Variants in TPD52L3 observed in about 807,000 individuals in gnomAD.
TPD52L3 encodes tumor protein D55.
TPD52L3 carries 12 observed loss-of-function variants against 8.7 expected under a neutral mutation model. The ratio of observed to expected loss-of-function variants is 1.38; its 90% confidence interval spans 0.89 to 2.24. The LOEUF is 2.24. Among genes scored for constraint, TPD52L3 ranks in the 30% most tolerant of loss-of-function variants. The pLI, the probability that TPD52L3 is intolerant of heterozygous loss-of-function variation, is 0.00. For missense variants in TPD52L3, 207 were observed against 158.7 expected (o/e 1.30, Z -1.64); for synonymous variants, 79 against 66.8 (o/e 1.18, Z -0.89).
In TPD52L3 at chr9:6,331,562, G is replaced by T. The variant is rs559124909; in HGVS notation, c.*543G>T. ...TAAGCAGGGGGCAAAATCATAAGTA[G>T]TCTTACATACTACATTAGATATCAA... On this transcript the variant is annotated 3_prime_UTR_variant, in exon 2 of 2. Coordinates refer to ENST00000314556, the MANE Select transcript of TPD52L3 (RefSeq NM_001001874.3). 6.6e-6 allele frequency: 1 copy of T among 152,282 alleles called. No homozygotes were observed. The highest frequency in any genetic ancestry group is 2.1e-4 in the South Asian group (1 of 4,820). The allele number at this position is 152,282 out of a possible 1,614,324, so 9.4% of individuals were successfully genotyped here.
At chr9:6,330,088 G>A (rs747290346) in intron 1 of TPD52L3, 8 of 1,560,310 alleles carry the variant, frequency 5.1e-6, no homozygotes, top group Non-Finnish European at 6.9e-6. Flanking sequence ...ATTTTAAAAA[G>A]AACGTCTGTC....
chr9:6,328,803 G>T lies in TPD52L3; in HGVS notation c.208G>T (p.Val70Leu). 1 of 1,614,186 alleles carries T rather than the reference G, an allele frequency of 6.2e-7. No homozygotes were observed. Among genetic ancestry groups the T allele is most frequent in the Non-Finnish European group, 8.5e-7 (1 of 1,180,028 alleles). ...GAGGAAGTTAGGCCTCACCGCCTTGGTAGGGCTGAGACAGAATCTGTCCAA... is the reference window on the plus strand; with the variant it reads ...GAGGAAGTTAGGCCTCACCGCCTTGTTAGGGCTGAGACAGAATCTGTCCAA... Reference protein sequence around the residue: ...LKRKLGLTALVGLRQNLSKSW... With the variant: ...LKRKLGLTALLGLRQNLSKSW... The change falls in exon 1 of 2, where the codon GTA (valine) becomes TTA (leucine). Residue 70 changes from valine (V) to leucine (L), a missense_variant. Val to Leu is a conservative substitution (Grantham distance 32). Transcript: ENST00000314556.
At chr9:6,329,100 T>C in intron 1 of TPD52L3, 138 bp downstream of exon 1, 1 of 1,543,360 alleles carries the variant, frequency 6.5e-7, no homozygotes. Flanking sequence ...TTCCGGGGAG[T>C]GGGAATGAGC....
At chr9:6,330,219 T>A (rs142406344) in intron 1 of TPD52L3, 168 of 1,613,902 alleles carry the variant, frequency 1.0e-4, no homozygotes, top group Non-Finnish European at 1.2e-4. Flanking sequence ...TATAACCCTC[T>A]GGAGAGCTCA....
intron 1 of TPD52L3, 196 bp downstream of exon 1, chr9:6,329,158 C>T (rs1818091698): frequency 1.4e-6 from 2 of 1,463,814 alleles, no homozygotes; most frequent in African/African-American, 2.8e-5. Context: ...CTTTCTGGAA[C>T]CAGAATGAGC....
chr9:6,328,703 C>T lies in TPD52L3; in HGVS notation c.108C>T (p.Leu36=), dbSNP rs1475823967. The T allele has an allele frequency of 6.2e-7, 1 of 1,614,168 alleles. No individual in the cohort carries two copies. Among genetic ancestry groups the T allele is most frequent in the Admixed American group, 1.7e-5 (1 of 60,016 alleles). ...AGCAAAGAGAGCTCAAAACCAAACTCACTAAATTGGAGGCTGAAATTGTAA... is the reference window on the plus strand; with the variant it reads ...AGCAAAGAGAGCTCAAAACCAAACTTACTAAATTGGAGGCTGAAATTGTAA... ...EPEQRELKTK[L]TKLEAEIVTL... The change falls in exon 1 of 2, where the codon CTC becomes CTT. Residue 36 remains leucine, a synonymous_variant. Coordinates refer to ENST00000314556, the MANE Select transcript of TPD52L3 (RefSeq NM_001001874.3).
In TPD52L3 at chr9:6,330,013, C is replaced by T; in HGVS notation, c.368-963C>T. 2.2e-6 allele frequency: 3 copies of T among 1,361,840 alleles called. No homozygotes were observed. The East Asian group carries it at 8.2e-5, about 37-fold the overall frequency. The allele number at this position is 1,361,840 out of a possible 1,614,324, so 84.4% of individuals were successfully genotyped here. On this transcript the variant is annotated intron_variant, in intron 1 of 1. Coordinates refer to ENST00000314556, the MANE Select transcript of TPD52L3 (RefSeq NM_001001874.3). ...ATTCCTAGTTAGTTACCACCTCCAG[C>T]TGAGGGGCTGGAGGAAAACAGGTAT... is the stretch of plus-strand genomic sequence containing the variant.
chr9:6,329,863 C>T, intron 1 of TPD52L3: 1 of 1,176,510 alleles, frequency 8.5e-7, no homozygotes, highest in Non-Finnish European at 1.1e-6. Flanking sequence ...GCAACTTTGC[C>T]TTGTGCTTTG....
chr9:6,330,230 A>G (rs1409816149), intron 1 of TPD52L3: 1 of 1,612,794 alleles, frequency 6.2e-7, no homozygotes, highest in Non-Finnish European at 8.5e-7. Context: ...GGAGAGCTCA[A>G]GACAGTAGGA....
intron 1 of TPD52L3, 179 bp downstream of exon 1, chr9:6,329,141 ATC>A (rs1260309715): frequency 6.7e-6 from 10 of 1,482,492 alleles, no homozygotes; most frequent in African/African-American, 1.4e-5. Context: ...GAGGATGACC[ATC>A]TCCACTTTCT....
Position 6,331,179 on chromosome 9 carries a change from T to A in TPD52L3, c.*160T>A, listed in dbSNP as rs1818144232. On this transcript the variant is annotated 3_prime_UTR_variant, in exon 2 of 2. Transcript: ENST00000314556. Reference sequence around the variant, plus strand: ...AGAACTGTCCCAGGTTCTGAAAGCATAGAATTAGACATCGTATGTGCCCTC... The same window carrying A: ...AGAACTGTCCCAGGTTCTGAAAGCAAAGAATTAGACATCGTATGTGCCCTC... The A allele has an allele frequency of 1.5e-6, 1 of 685,652 alleles. No individual in the cohort carries two copies. The highest frequency in any genetic ancestry group is 1.8e-5 in the African/African-American group (1 of 54,946). 42.5% of individuals were successfully genotyped at this position (685,652 alleles called of 1,614,324 possible).
chr9:6,328,715 G>A lies in TPD52L3; in HGVS notation c.120G>A (p.Glu40=). 1 of 1,614,172 alleles carries A rather than the reference G, an allele frequency of 6.2e-7. No homozygotes were observed. Among genetic ancestry groups the A allele is most frequent in the Non-Finnish European group, 8.5e-7 (1 of 1,180,042 alleles). Residue 40 remains glutamate, a synonymous_variant, in exon 1 of 2, where the codon GAG becomes GAA. Coordinates refer to ENST00000314556, the MANE Select transcript of TPD52L3 (RefSeq NM_001001874.3). ...TCAAAACCAAACTCACTAAATTGGA[G>A]GCTGAAATTGTAACCCTACGCCACG... ...RELKTKLTKL[E]AEIVTLRHVL... is the part of the protein sequence containing the mutation.
At chr9:6,330,886 G>C in intron 1 of TPD52L3, 90 bp from the exon 2 acceptor site, 2 of 1,570,938 alleles carry the variant, frequency 1.3e-6, no homozygotes, top group Non-Finnish European at 1.7e-6. Context: ...TACAACAGTA[G>C]TAAGTTTCCC....
Position 6,328,677 on chromosome 9 carries a change from G to T in TPD52L3, c.82G>T (p.Glu28Ter). The T allele has an allele frequency of 6.2e-7, 1 of 1,614,118 alleles. No individual in the cohort carries two copies. The highest frequency in any genetic ancestry group is 8.5e-7 in the Non-Finnish European group (1 of 1,180,032). ...TSELEDLTEPEQRELKTKLTK... is the reference protein window; with the variant it reads ...TSELEDLTEP ...TGAACTGGAGGATCTGACAGAGCCCGAGCAAAGAGAGCTCAAAACCAAACT... is the reference window on the plus strand; with the variant it reads ...TGAACTGGAGGATCTGACAGAGCCCTAGCAAAGAGAGCTCAAAACCAAACT... The change falls in exon 1 of 2, where the codon GAG (glutamate) becomes TAG (stop). Residue 28 changes from glutamate to a stop codon, truncating the protein, a stop_gained. Coordinates refer to ENST00000314556, the MANE Select transcript of TPD52L3 (RefSeq NM_001001874.3). LOFTEE classifies it high-confidence loss of function.
chr9:6,330,163 A>G (rs779301100), intron 1 of TPD52L3: 2 of 1,614,000 alleles, frequency 1.2e-6, no homozygotes, highest in Non-Finnish European at 1.7e-6. Flanking sequence ...CTTAACTCCA[A>G]GTCTGCCCTT....
At position 6,331,334 on chromosome 9, in the gene TPD52L3, G is replaced by C. The variant is rs1564107041; in HGVS notation, c.*315G>C. The C allele has an allele frequency of 1.4e-5, 3 of 215,016 alleles. No individual in the cohort carries two copies. Among genetic ancestry groups the C allele is most frequent in the Non-Finnish European group, 2.7e-5 (3 of 109,214 alleles). 13.3% of individuals were successfully genotyped at this position (215,016 alleles called of 1,614,324 possible). ...TTGGTAGGTCAGTAAAGACTTTAGA[G>C]AGACAGAAAGTCTTAGAGGACTAGG... On this transcript the variant is annotated 3_prime_UTR_variant, in exon 2 of 2. Transcript: ENST00000314556.
In TPD52L3 at chr9:6,331,055, G is replaced by A. The variant is rs749197845; in HGVS notation, c.*36G>A. On this transcript the variant is annotated 3_prime_UTR_variant, in exon 2 of 2. Coordinates refer to ENST00000314556, the MANE Select transcript of TPD52L3 (RefSeq NM_001001874.3). ...TTCAGACATCAAATATGGAATCCAAGAGACTATCAACAACATGAACTTGTT... is the reference window on the plus strand; with the variant it reads ...TTCAGACATCAAATATGGAATCCAAAAGACTATCAACAACATGAACTTGTT... 1.8e-5 allele frequency: 29 copies of A among 1,592,534 alleles called. 2 individuals are homozygous for A. In the South Asian group the frequency reaches 3.3e-4, roughly 18 times the overall value.
rs1818128037 is a variant in TPD52L3 at position 6,330,329 on chromosome 9, C to G, written c.368-647C>G. On this transcript the variant is annotated intron_variant, in intron 1 of 1. Transcript: ENST00000314556. ...GTTTTCCTTTTCCATTTTCAAAATG[C>G]CAAGATCTGGGAGCCTCTTTCACTC... 2.0e-6 allele frequency: 3 copies of G among 1,519,300 alleles called. No individual in the cohort carries two copies. In the East Asian group the frequency reaches 7.2e-5, roughly 36 times the overall value. The allele number at this position is 1,519,300 out of a possible 1,614,324, so 94.1% of individuals were successfully genotyped here.
Position 6,328,421 on chromosome 9 carries a change from C to CTGGGCCA in TPD52L3, c.-171_-165dup. 1 of 713,382 alleles carries CTGGGCCA rather than the reference C, an allele frequency of 1.4e-6. No individual in the cohort carries two copies. The highest frequency in any genetic ancestry group is 1.8e-5 in the South Asian group (1 of 54,432). 44.2% of individuals were successfully genotyped at this position (713,382 alleles called of 1,614,324 possible). On this transcript the variant is annotated 5_prime_UTR_variant, in exon 1 of 2. It adds an upstream start codon to the 5' untranslated region. Transcript: ENST00000314556. ...ACTGTCAAGGTGTCCATTGTACCAG[C>CTGGGCCA]TGGGCCATGGATCCCTCCCGCCTGA... is the stretch of plus-strand genomic sequence containing the variant.
Sources: gnomAD v4.1 joint callset for allele counts on GRCh38, gnomAD v4.1.1 for gene constraint, MANE v1.5 for transcripts, NCBI Gene and HGNC (gene_info 2026-07-23, HGNC 2026-07-21) for gene names.